The following TNRC6A variants were observed in gnomAD, a reference collection of about 807,000 sequenced individuals.
TNRC6A encodes trinucleotide repeat-containing gene 6A protein.
TNRC6A carries 44 observed loss-of-function variants against 221.2 expected under a neutral mutation model. That is an observed-to-expected ratio of 0.20 (90% confidence interval 0.16 to 0.26). The LOEUF is 0.26. TNRC6A is among the 10% of genes least tolerant of loss of function. The probability of loss-of-function intolerance (pLI) is 1.00; values close to 1 mark genes in which losing one functional copy is unlikely to be tolerated. For missense variants in TNRC6A, 2,199 were observed against 2,404.4 expected, an observed-to-expected ratio of 0.91 and a Z score of 1.79; for synonymous variants, 847 against 838.5, an observed-to-expected ratio of 1.01 and a Z score of -0.18.
At chr16:24,652,784 T>A (rs1172813881) in intron 2 of TNRC6A, among the ~76,000 whole-genome samples, 2 of 152,174 alleles carry the variant, frequency 1.3e-5, no homozygotes, top group African/African-American at 2.4e-5. Flanking sequence ...AGTTTTAAAT[T>A]AATAGTGCTA....
At chr16:24,812,149 A>C (rs940265290) in intron 18 of TNRC6A, among the ~76,000 whole-genome samples, 1 of 144,558 alleles carries the variant, frequency 6.9e-6, no homozygotes, top group Non-Finnish European at 1.5e-5. Context: ...TCTGGGATTC[A>C]AGTGGTTCTC....
chr16:24,702,173 T>C (rs1405975153), intron 2 of TNRC6A, among the ~76,000 whole-genome samples: 1 of 96,258 alleles, frequency 1.0e-5, no homozygotes, highest in Non-Finnish European at 1.9e-5. Context: ...CTTTTCTTTT[T>C]TCTTTTTTCT....
intron 11 of TNRC6A, among the ~76,000 whole-genome samples, chr16:24,798,752 T>C (rs1470752720): frequency 6.6e-6 from 1 of 152,156 alleles, no homozygotes; most frequent in Non-Finnish European, 1.5e-5. Flanking sequence ...GATGGAAACT[T>C]ACCTGGACAG....
chr16:24,802,169 C>T (rs113098948), intron 11 of TNRC6A, among the ~76,000 whole-genome samples: 5,541 of 152,250 alleles, frequency 0.036, 144 homozygotes, highest in Non-Finnish European at 0.054. Context: ...TCTCAAAGAA[C>T]AGCAGTTGCA....
chr16:24,613,081 G>T (rs1345131566), intron 1 of TNRC6A, among the ~76,000 whole-genome samples: 1 of 129,490 alleles, frequency 7.7e-6, no homozygotes, highest in Non-Finnish European at 1.5e-5. Context: ...GCACCATTGC[G>T]CTCTAACCTG....
chr16:24,703,306 C>A (rs893460904), intron 2 of TNRC6A, among the ~76,000 whole-genome samples: 2 of 152,136 alleles, frequency 1.3e-5, no homozygotes, highest in African/African-American at 4.8e-5. Context: ...ATATGTTGTT[C>A]TTTGTGTCTG....
chr16:24,731,748 A>G (rs1022795590), intron 2 of TNRC6A, among the ~76,000 whole-genome samples: 1 of 152,222 alleles, frequency 6.6e-6, no homozygotes, highest in South Asian at 2.1e-4. Context: ...TCTGTGCCAC[A>G]GGTATAATTT....
chr16:24,805,100 A>G lies in TNRC6A; in HGVS notation c.4071A>G (p.Ser1357=). ...AGCCTCCAGCACAACCTCTTAGTTC[A>G]TCTCAGCCTAATCTCCGTGCTCAAG... is the stretch of plus-strand genomic sequence containing the variant. The part of the protein sequence containing the change: ...MQQPPAQPLS[S]SQPNLRAQVP... The change falls in exon 14 of 25, where the codon TCA becomes TCG. Residue 1357 remains serine (S), a synonymous_variant. Transcript: ENST00000395799. The G allele has an allele frequency of 6.2e-7, 1 of 1,614,152 alleles. No individual in the cohort carries two copies.
upstream of TNRC6A, among the ~76,000 whole-genome samples, chr16:24,725,773 G>C (rs533208556): frequency 6.6e-6 from 1 of 151,856 alleles, no homozygotes; most frequent in African/African-American, 2.4e-5. Flanking sequence ...AGGCCGAGGC[G>C]GGTGATCACT....
intron 2 of TNRC6A, among the ~76,000 whole-genome samples, chr16:24,714,511 T>TA (rs1193946718): frequency 6.6e-5 from 10 of 151,768 alleles, no homozygotes; most frequent in African/African-American, 2.4e-4. Flanking sequence ...TTCACTGTGT[T>TA]AGCCAGGATG....
intron 3 of TNRC6A, among the ~76,000 whole-genome samples, chr16:24,758,063 T>G (rs2057288793): frequency 6.6e-6 from 1 of 152,194 alleles, no homozygotes. Context: ...ATTTAAAAAA[T>G]TATATACTGT....
Position 24,686,474 on chromosome 16 carries a change from C to G in TNRC6A, n.402+45465C>G, listed in dbSNP as rs192051844. Reference sequence around the variant, plus strand: ...CAGAAACAGAGGCTCACACACATCCCCAATTTGCTAAGAATATTTCTAAAC... The same window carrying G: ...CAGAAACAGAGGCTCACACACATCCGCAATTTGCTAAGAATATTTCTAAAC... On this transcript the variant is annotated intron_variant and non_coding_transcript_variant, in intron 2 of 2. Coordinates refer to the TNRC6A transcript ENST00000566108. 2.4e-3 allele frequency among the ~76,000 whole-genome samples: 364 copies of G among 152,176 alleles called. 2 individuals are homozygous for G. The highest frequency in any genetic ancestry group is 8.3e-3 in the African/African-American group (345 of 41,506).
intron 9 of TNRC6A, 116 bp from the exon 10 acceptor site, chr16:24,797,374 G>T: frequency 1.4e-6 from 1 of 692,366 alleles, no homozygotes; most frequent in Non-Finnish European, 2.4e-6. Context: ...GATTGGAGGA[G>T]AAATTATTGG....
chr16:24,712,298 C>A (rs2056220057), intron 2 of TNRC6A, among the ~76,000 whole-genome samples: 1 of 152,174 alleles, frequency 6.6e-6, no homozygotes, highest in African/African-American at 2.4e-5. Flanking sequence ...AGCCACCACA[C>A]CCGGCTGCTG....
rs559602573 is a variant in TNRC6A, at chr16:24,644,826, A to C, written n.402+3817A>C. Among the ~76,000 whole-genome samples, 3 of 152,370 alleles carry C rather than the reference A, an allele frequency of 2.0e-5. No homozygotes were observed. In the East Asian group the frequency reaches 5.8e-4, roughly 29 times the overall value. On this transcript the variant is annotated intron_variant and non_coding_transcript_variant, in intron 2 of 2. Coordinates refer to the TNRC6A transcript ENST00000566108. ...ATATTCTAGTTGCCACACTTTTAAA[A>C]GGTAAAAAGAAACAGATGAAATTAA...
intron 1 of TNRC6A, among the ~76,000 whole-genome samples, chr16:24,624,337 T>C (rs1900847058): frequency 6.6e-6 from 1 of 152,106 alleles, no homozygotes; most frequent in Non-Finnish European, 1.5e-5. Flanking sequence ...GCTACAGCAT[T>C]ATACAGCAGA....
At chr16:24,716,851 G>A (rs925226033) in intron 2 of TNRC6A, among the ~76,000 whole-genome samples, 6 of 151,436 alleles carry the variant, frequency 4.0e-5, no homozygotes, top group African/African-American at 7.3e-5. Flanking sequence ...CCAGCTACTC[G>A]GGAGGCTGAG....
rs2058052311 is a variant in TNRC6A, at chr16:24,789,606, A to G, written c.964A>G (p.Ser322Gly). The change falls in exon 6 of 25, where the codon AGC becomes GGC. Residue 322 changes from serine to glycine, a missense_variant. Ser to Gly is a moderately conservative substitution (Grantham distance 56). Around this residue, in one of 8 missense-constraint regions of TNRC6A, gnomAD observed 1,405 missense variants for 1,400.2 expected, o/e 1.00. Transcript: ENST00000395799. ...PWGFSHGAII[S>G]TCQVSVDAPE... The stretch of plus-strand genomic sequence containing the variant: ...GGGTTTTTCCCATGGAGCCATAATA[A>G]GCACATGTCAGGTCTCTGTGGATGC... The G allele has an allele frequency of 6.2e-7, 1 of 1,614,178 alleles. No individual in the cohort carries two copies. The highest frequency in any genetic ancestry group is 8.5e-7 in the Non-Finnish European group (1 of 1,180,044).
At chr16:24,712,778 G>C (rs1367540554) in intron 2 of TNRC6A, among the ~76,000 whole-genome samples, 1 of 152,126 alleles carries the variant, frequency 6.6e-6, no homozygotes, top group Admixed American at 6.5e-5. Flanking sequence ...TTTCGAGACA[G>C]GGTCTCGCTC....
Sources: gnomAD v4.1 joint callset for allele counts (sites outside exome capture counted in the v4.1 genomes callset) on GRCh38, gnomAD v4.1.1 for gene constraint, gnomAD v4.1.1 regional missense constraint, MANE v1.5 for transcripts, NCBI Gene and HGNC (gene_info 2026-07-23, HGNC 2026-07-21) for gene names.